JPT2: variants seen among roughly 807,000 people sequenced by gnomAD.
JPT2 encodes the protein Jupiter microtubule associated homolog 2.
Under a neutral mutation model 15.9 loss-of-function variants are expected in JPT2, and 9 were observed. The observed-to-expected ratio is 0.57, with a 90% confidence interval of 0.34 to 0.99. JPT2 has a LOEUF of 0.99. JPT2 is among the 50% of genes least tolerant of loss of function. The pLI, the probability that JPT2 is intolerant of heterozygous loss-of-function variation, is 0.02. For synonymous variants in JPT2, 95 were observed against 91.7 expected, an observed-to-expected ratio of 1.04 and a Z score of -0.21; for missense variants, 267 against 252.1, an observed-to-expected ratio of 1.06 and a Z score of -0.40.
chr16:1,699,246 A>C lies in JPT2; in HGVS notation c.*248A>C. 1.8e-6 allele frequency: 1 copy of C among 570,040 alleles called. No individual in the cohort carries two copies. Among genetic ancestry groups the C allele is most frequent in the Admixed American group, 2.2e-5 (1 of 45,560 alleles). 35.3% of individuals were successfully genotyped at this position (570,040 alleles called of 1,614,324 possible). ...ATCACTCATGTGTAGTCCAGGTTTG[A>C]GAGGAACTGGAAGGGGGGTGAGGGT... On this transcript the variant is annotated 3_prime_UTR_variant, in exon 5 of 5. Coordinates refer to ENST00000248098, the MANE Select transcript of JPT2 (RefSeq NM_144570.3).
At chr16:1,697,747 TG>T in intron 3 of JPT2, 64 bp from the exon 4 acceptor site, 1 of 1,458,628 alleles carries the variant, frequency 6.9e-7, no homozygotes. Context: ...TGATTTTCAT[TG>T]TCCATTTGAA....
At chr16:1,696,178 G>C (rs2037140056) in intron 3 of JPT2, among the ~76,000 whole-genome samples, 1 of 151,888 alleles carries the variant, frequency 6.6e-6, no homozygotes, top group African/African-American at 2.4e-5. Context: ...GCAATGAGTT[G>C]AGACTGCGCC....
In JPT2 at chr16:1,685,500, C is replaced by A; in HGVS notation, c.106C>A (p.Pro36Thr). Residue 36 changes from proline (P) to threonine (T), a missense_variant, in exon 2 of 5, where the codon CCT (proline) becomes ACT (threonine). Physicochemically the swap from Pro to Thr is conservative, Grantham distance 38 (BLOSUM62 -1). Coordinates refer to ENST00000248098, the MANE Select transcript of JPT2 (RefSeq NM_144570.3). ...TTTTGGAAGTCCAGAAGAAGCTACT[C>A]CTTCCAGCAGGCCTAATAGGATGGC... ...NLFGSPEEATPSSRPNRMASN... is the reference protein window; with the variant it reads ...NLFGSPEEATTSSRPNRMASN... 1 of 1,614,122 alleles carries A rather than the reference C, an allele frequency of 6.2e-7. No homozygotes were observed. The highest frequency in any genetic ancestry group is 8.5e-7 in the Non-Finnish European group (1 of 1,180,014).
chr16:1,683,478 C>CTTTTTTT (rs113851179), intron 1 of JPT2: 1 of 1,413,008 alleles, frequency 7.1e-7, no homozygotes, highest in South Asian at 1.3e-5. Context: ...GTGCACCTGT[C>CTTTTTTT]TTTTTTTTTC....
chr16:1,688,471 T>C (rs2037083086), intron 2 of JPT2: 1 of 152,266 alleles, frequency 6.6e-6, no homozygotes, highest in Non-Finnish European at 1.5e-5. Flanking sequence ...GTTTAAAATA[T>C]GGATAGATAG....
Position 1,685,425 on chromosome 16 carries a change from C to T in JPT2, c.45-14C>T. On this transcript the variant is annotated splice_polypyrimidine_tract_variant and intron_variant, in intron 1 of 4. Transcript: ENST00000248098. ...GTCTGCCATCAGTAATTGGCATGTA[C>T]TCTGTGCTTGTAGGGCCATGAAGCC... 6.2e-7 allele frequency: 1 copy of T among 1,613,824 alleles called. No homozygotes were observed. The highest frequency in any genetic ancestry group is 1.7e-4 in the Middle Eastern group (1 of 6,060).
rs1002844342 is a variant in JPT2 at position 1,698,585 on chromosome 16, A to G, written c.386-226A>G. Among the ~76,000 whole-genome samples, 12 of 152,264 alleles carry G rather than the reference A, an allele frequency of 7.9e-5. No individual in the cohort carries two copies. The highest frequency in any genetic ancestry group is 5.2e-4 in the Admixed American group (8 of 15,290). ...CTTAGGAAGAAATCAAGGAGTATTT[A>G]CAGTAGCAAGCCCCAACTTTATGCC... On this transcript the variant is annotated intron_variant, in intron 4 of 4. Transcript: ENST00000248098. The surrounding 1 kb of genome is among the most constrained non-coding windows in gnomAD (Gnocchi z 4.9).
chr16:1,682,048 G>A (rs1163369020), intron 1 of JPT2, among the ~76,000 whole-genome samples: 6 of 152,214 alleles, frequency 3.9e-5, no homozygotes, highest in South Asian at 4.1e-4. Context: ...GTAGAGACCC[G>A]TGCATGTTTA....
chr16:1,695,518 G>A (rs1277717513), intron 3 of JPT2, among the ~76,000 whole-genome samples: 1 of 151,954 alleles, frequency 6.6e-6, no homozygotes, highest in Non-Finnish European at 1.5e-5. Flanking sequence ...GCTGCAGAGA[G>A]CAGTGATTTT....
rs781314528 is a variant in JPT2, at chr16:1,697,798, T to C, written c.337-14T>C. 1 of 1,613,698 alleles carries C rather than the reference T, an allele frequency of 6.2e-7. No homozygotes were observed. The highest frequency in any genetic ancestry group is 1.1e-5 in the South Asian group (1 of 90,920). ...TCTGAGTGAGTCCTGATTTGGTGGT[T>C]TGCCTTGTTGCAGGATCATGTTTTC... On this transcript the variant is annotated splice_polypyrimidine_tract_variant and intron_variant, in intron 3 of 4. Coordinates refer to ENST00000248098, the MANE Select transcript of JPT2 (RefSeq NM_144570.3).
At position 1,699,795 on chromosome 16, in the gene JPT2, T is replaced by C. The variant is rs1003876949; in HGVS notation, c.*797T>C. On this transcript the variant is annotated 3_prime_UTR_variant, in exon 5 of 5. Coordinates refer to ENST00000248098, the MANE Select transcript of JPT2 (RefSeq NM_144570.3). ...AGGCGTTTGTTGTTCTCCAGTGATG[T>C]AGACAGTTCCCTTCACAAGTCACAG... 4.0e-6 allele frequency: 1 copy of C among 252,732 alleles called. No individual in the cohort carries two copies. Among genetic ancestry groups the C allele is most frequent in the Non-Finnish European group, 8.0e-6 (1 of 124,750 alleles). The allele number at this position is 252,732 out of a possible 1,614,324, so 15.7% of individuals were successfully genotyped here.
intron 3 of JPT2, among the ~76,000 whole-genome samples, chr16:1,693,159 G>A (rs1020345635): frequency 6.6e-6 from 1 of 152,148 alleles, no homozygotes; most frequent in Non-Finnish European, 1.5e-5. Context: ...GAGTGCAGTG[G>A]CACGATCTCA....
At chr16:1,695,318 T>C (rs545012514) in intron 3 of JPT2, among the ~76,000 whole-genome samples, 19 of 151,164 alleles carry the variant, frequency 1.3e-4, no homozygotes, top group African/African-American at 4.6e-4. Context: ...GGCAGGAGAA[T>C]CGCTTGAACC....
intron 2 of JPT2, chr16:1,686,356 G>C (rs2037065886): frequency 6.9e-6 from 1 of 145,352 alleles, no homozygotes; most frequent in African/African-American, 2.7e-5. Flanking sequence ...CTGGGTGACA[G>C]AGCGAGACTC....
intron 1 of JPT2, 23 bp downstream of exon 1, chr16:1,678,379 G>A (rs1378642416): frequency 2.4e-6 from 3 of 1,229,140 alleles, no homozygotes; most frequent in Non-Finnish European, 2.0e-6. Context: ...GCACACGGGA[G>A]GCGGGCGGAT....
intron 2 of JPT2, 95 bp from the exon 3 acceptor site, chr16:1,691,748 C>A: frequency 6.9e-7 from 1 of 1,447,308 alleles, no homozygotes; most frequent in Non-Finnish European, 9.3e-7. Context: ...ACTCGGGGTT[C>A]CTATGAGAGG....
intron 3 of JPT2, among the ~76,000 whole-genome samples, chr16:1,695,157 G>A (rs1447337524): frequency 6.6e-6 from 1 of 152,112 alleles, no homozygotes; most frequent in Admixed American, 6.5e-5. Flanking sequence ...TGTAATCCCA[G>A]CACCTTGGGA....
chr16:1,691,788 G>T, intron 2 of JPT2, 55 bp from the exon 3 acceptor site: 1 of 1,574,368 alleles, frequency 6.4e-7, no homozygotes, highest in East Asian at 2.2e-5. Context: ...GGGGTGGGGT[G>T]GGGTGGGGTC....
intron 2 of JPT2, among the ~76,000 whole-genome samples, chr16:1,691,393 G>A (rs1046551331): frequency 6.6e-6 from 1 of 152,150 alleles, no homozygotes; most frequent in Non-Finnish European, 1.5e-5. Context: ...TTTTCAGGAT[G>A]GCAGGTTTCC....
Sources: gnomAD v4.1 joint callset for allele counts (sites outside exome capture counted in the v4.1 genomes callset) on GRCh38, gnomAD v4.1.1 for gene constraint, Gnocchi (gnomAD v3.1) non-coding constraint, MANE v1.5 for transcripts, NCBI Gene and HGNC (gene_info 2026-07-23, HGNC 2026-07-21) for gene names.